ABCB1: variants seen among roughly 807,000 people sequenced by gnomAD.
ABCB1 encodes the protein ATP binding cassette subfamily B member 1.
In ABCB1, 69 loss-of-function variants were observed where a neutral mutation model predicts 142.0. The ratio of observed to expected loss-of-function variants is 0.49; its 90% CI spans 0.40 to 0.59. The LOEUF is 0.59. Ranked by LOEUF, ABCB1 falls within the 20% of genes least tolerant of loss-of-function variation. The pLI is 0.00. For missense variants in ABCB1, 1,326 were observed against 1,554.7 expected, an observed-to-expected ratio of 0.85 and a Z score of 2.47; for synonymous variants, 532 against 539.2, an observed-to-expected ratio of 0.99 and a Z score of 0.18.
At position 87,529,202 on chromosome 7, in the gene ABCB1, C is replaced by A. The variant is rs576518557; in HGVS notation, c.2685+2092G>T. On this transcript the variant is annotated intron_variant, in intron 21 of 27. Coordinates refer to ENST00000622132, the MANE Select transcript of ABCB1 (RefSeq NM_001348946.2). ...GAGGCTGTTGCTGTGTGACTGTGAGCAAGTTACTTGATCTCTCTGAATCTT... is the reference window on the plus strand; with the variant it reads ...GAGGCTGTTGCTGTGTGACTGTGAGAAAGTTACTTGATCTCTCTGAATCTT... Among the ~76,000 whole-genome samples the A allele has an allele frequency of 3.9e-5, 6 of 152,288 alleles. 1 individual carries two copies. The highest frequency in any genetic ancestry group is 1.4e-4 in the African/African-American group (6 of 41,556).
At chr7:87,669,192 A>G (rs1055625464) in intron 1 of ABCB1, among the ~76,000 whole-genome samples, 3 of 152,066 alleles carry the variant, frequency 2.0e-5, no homozygotes, top group Admixed American at 2.0e-4. Flanking sequence ...TAGGGTATTT[A>G]GGTTTTTTTG....
intron 1 of ABCB1, among the ~76,000 whole-genome samples, chr7:87,607,315 A>G (rs1388974112): frequency 6.6e-6 from 1 of 152,178 alleles, no homozygotes; most frequent in African/African-American, 2.4e-5. Flanking sequence ...AAGTCCAATT[A>G]AGGACTTCAG....
intron 1 of ABCB1, among the ~76,000 whole-genome samples, chr7:87,656,791 T>G (rs1376705606): frequency 6.6e-6 from 1 of 152,210 alleles, no homozygotes; most frequent in Non-Finnish European, 1.5e-5. Context: ...TAAACTTATT[T>G]ATCCATCACT....
intron 21 of ABCB1, among the ~76,000 whole-genome samples, chr7:87,530,790 AAAGAAAGCAAGAAAGCAAGAAAGC>A (rs202065141): frequency 0.013 from 1,478 of 118,232 alleles, 19 homozygotes; most frequent in Non-Finnish European, 0.017. Flanking sequence ...GAAAGAAAAG[AAAGAAAGCAAGAAAGCAAGAAAGC>A]AAGAAAGCAA....
At chr7:87,700,001 G>T (rs565939332) in intron 1 of ABCB1, among the ~76,000 whole-genome samples, 11 of 150,518 alleles carry the variant, frequency 7.3e-5, no homozygotes, top group South Asian at 2.1e-4. Flanking sequence ...TGGTGGTGGG[G>T]TTTTTTTTTC....
chr7:87,667,504 CT>C (rs1303342774), intron 1 of ABCB1, among the ~76,000 whole-genome samples: 1 of 151,914 alleles, frequency 6.6e-6, no homozygotes, highest in African/African-American at 2.4e-5. Context: ...CCTGATAGCT[CT>C]GGCTAGGACT....
chr7:87,620,009 T>C (rs1445587476), intron 1 of ABCB1, among the ~76,000 whole-genome samples: 2 of 152,174 alleles, frequency 1.3e-5, no homozygotes, highest in African/African-American at 2.4e-5. Flanking sequence ...TTGTGGATTA[T>C]TGAGGGAACA....
intron 1 of ABCB1, among the ~76,000 whole-genome samples, chr7:87,686,768 C>T (rs1302019797): frequency 1.3e-5 from 2 of 148,796 alleles, no homozygotes; most frequent in Admixed American, 6.7e-5. Context: ...GGTGAAACCC[C>T]GCCTCTAGAA....
intron 1 of ABCB1, among the ~76,000 whole-genome samples, chr7:87,649,782 G>A (rs745478119): frequency 6.6e-6 from 1 of 152,168 alleles, no homozygotes; most frequent in African/African-American, 2.4e-5. Context: ...TCAGTGGTAG[G>A]TAATTGAATC....
chr7:87,530,044 TAA>T (rs1487930218), intron 21 of ABCB1, among the ~76,000 whole-genome samples: 1 of 152,188 alleles, frequency 6.6e-6, no homozygotes, highest in Non-Finnish European at 1.5e-5. Context: ...AAAAATGGGA[TAA>T]AGAGTCTGAA....
intron 1 of ABCB1, among the ~76,000 whole-genome samples, chr7:87,648,239 G>T (rs1254571998): frequency 6.6e-6 from 1 of 151,440 alleles, no homozygotes; most frequent in Non-Finnish European, 1.5e-5. Context: ...CTCAAAGTGA[G>T]ATTTGCATGA....
chr7:87,610,128 G>T (rs1819796907), intron 1 of ABCB1, among the ~76,000 whole-genome samples: 1 of 151,402 alleles, frequency 6.6e-6, no homozygotes, highest in South Asian at 2.1e-4. Context: ...TGACTGTATT[G>T]TCTCTACTGT....
At chr7:87,639,812 G>C (rs1822241322) in intron 1 of ABCB1, among the ~76,000 whole-genome samples, 1 of 151,760 alleles carries the variant, frequency 6.6e-6, no homozygotes, top group Non-Finnish European at 1.5e-5. Context: ...AGGTAAGATA[G>C]GATTGAATTT....
Position 87,668,119 on chromosome 7 carries a change from C to CT in ABCB1, c.-331+45041dup, listed in dbSNP as rs368910521. Among the ~76,000 whole-genome samples, 365 of 137,664 alleles carry CT rather than the reference C, an allele frequency of 2.7e-3. 1 individual carries two copies. Among genetic ancestry groups the CT allele is most frequent in the African/African-American group, 5.6e-3 (211 of 37,820 alleles). The allele number at this position is 137,664 out of a possible 152,430, so 90.3% of individuals were successfully genotyped here. A position where few individuals can be genotyped will look rare whatever the true frequency, so the allele number is the denominator to read the frequency against. ...AGTTATGAATCCATCAGGCCCTTGG[C>CT]TTTTTTTTTTTTGGTAGGCTATTTA... On this transcript the variant is annotated intron_variant, in intron 1 of 28. Transcript: ENST00000265724.
chr7:87,514,605 C>T (rs1451133678), intron 25 of ABCB1, among the ~76,000 whole-genome samples: 1 of 152,136 alleles, frequency 6.6e-6, no homozygotes, highest in Admixed American at 6.5e-5. Context: ...AAACATTTTC[C>T]CTGGACTCTG....
At chr7:87,580,820 A>G (rs1275632126) in intron 4 of ABCB1, among the ~76,000 whole-genome samples, 7 of 151,714 alleles carry the variant, frequency 4.6e-5, no homozygotes, top group Admixed American at 2.6e-4. Context: ...TGCTTGATCA[A>G]TTTTGCTATT....
chr7:87,510,535 A>G (rs930230661), intron 25 of ABCB1, among the ~76,000 whole-genome samples: 2 of 152,242 alleles, frequency 1.3e-5, no homozygotes, highest in Admixed American at 6.5e-5. Context: ...CTGGCATTCA[A>G]GTGAGAGAGC....
At chr7:87,594,254 G>A (rs1283766481) in intron 3 of ABCB1, among the ~76,000 whole-genome samples, 1 of 152,068 alleles carries the variant, frequency 6.6e-6, no homozygotes, top group Admixed American at 6.5e-5. Flanking sequence ...TCTGGCTCCA[G>A]TTTCTTCATG....
intron 1 of ABCB1, among the ~76,000 whole-genome samples, chr7:87,622,331 T>A (rs1820253596): frequency 6.6e-6 from 1 of 152,172 alleles, no homozygotes; most frequent in African/African-American, 2.4e-5. Flanking sequence ...ACAAAATAAA[T>A]GTGCATTTTC....
Sources: allele counts gnomAD v4.1 joint callset (sites outside exome capture counted in the v4.1 genomes callset), GRCh38; gene constraint gnomAD v4.1.1; transcripts MANE v1.5; gene names NCBI Gene and HGNC (gene_info 2026-07-23, HGNC 2026-07-21).